Variants in NUP210 observed in about 807,000 individuals in gnomAD.
NUP210 encodes nuclear pore membrane glycoprotein 210.
In NUP210, 151 loss-of-function variants were observed where a neutral mutation model predicts 196.0. The observed-to-expected ratio is 0.77, with a 90% CI of 0.67 to 0.88. NUP210 has a LOEUF of 0.88. Among genes scored for constraint, NUP210 ranks in the 40% least tolerant of loss-of-function variants. The pLI is 0.00. For missense variants in NUP210, 2,314 were observed against 2,493.7 expected (o/e 0.93, Z 1.53); for synonymous variants, 1,070 against 1,052.7 (o/e 1.02, Z -0.32).
At chr3:13,406,608 C>T (rs1238702638) in intron 1 of NUP210, among the ~76,000 whole-genome samples, 12 of 152,228 alleles carry the variant, frequency 7.9e-5, no homozygotes. Flanking sequence ...CCAGGTCAGC[C>T]AGCTCATAGC....
At chr3:13,389,381 C>T (rs1322517196) in intron 4 of NUP210, among the ~76,000 whole-genome samples, 2 of 152,218 alleles carry the variant, frequency 1.3e-5, no homozygotes, top group Non-Finnish European at 2.9e-5. Flanking sequence ...CTGAGTGGAT[C>T]AACCCACTGA....
At chr3:13,416,188 C>G (rs1700343808) in intron 1 of NUP210, among the ~76,000 whole-genome samples, 1 of 152,164 alleles carries the variant, frequency 6.6e-6, no homozygotes, top group African/African-American at 2.4e-5. Flanking sequence ...GGTGCAGGAC[C>G]AGGCCTGGCA....
At chr3:13,362,324 C>T (rs1191967955) in intron 14 of NUP210, among the ~76,000 whole-genome samples, 2 of 152,240 alleles carry the variant, frequency 1.3e-5, no homozygotes, top group African/African-American at 2.4e-5. Context: ...GATCTAATCA[C>T]CCCTCAAAGG....
At chr3:13,407,216 T>C (rs1700032321) in intron 1 of NUP210, among the ~76,000 whole-genome samples, 1 of 152,150 alleles carries the variant, frequency 6.6e-6, no homozygotes, top group African/African-American at 2.4e-5. Flanking sequence ...GGTCCTGCAA[T>C]GTTTGGGATG....
Position 13,348,237 on chromosome 3 carries a change from G to T in NUP210, c.2835+3642C>A. 2 of 274,972 alleles carry T rather than the reference G, an allele frequency of 7.3e-6. No homozygotes were observed. The highest frequency in any genetic ancestry group is 1.4e-4 in the South Asian group (1 of 7,238). The allele number at this position is 274,972 out of a possible 1,614,324, so 17.0% of individuals were successfully genotyped here. On this transcript the variant is annotated intron_variant, in intron 20 of 39. Coordinates refer to ENST00000254508, the MANE Select transcript of NUP210 (RefSeq NM_024923.4). The surrounding 1 kb of genome is among the most constrained non-coding windows in gnomAD (Gnocchi z 4.0). ...GACTCCCATGCTGGAATCCCACCTT[G>T]AGTCTTTCAGACAAGTGTCCCAGCT...
chr3:13,345,857 G>A (rs1251625722), intron 20 of NUP210, among the ~76,000 whole-genome samples: 3 of 152,180 alleles, frequency 2.0e-5, no homozygotes, highest in Admixed American at 1.3e-4. Context: ...AAATTACAGA[G>A]AGTAATGACA....
intron 12 of NUP210, among the ~76,000 whole-genome samples, 188 bp downstream of exon 12, chr3:13,373,530 G>C (rs958789335): frequency 5.3e-5 from 8 of 152,204 alleles, no homozygotes; most frequent in African/African-American, 1.9e-4. Flanking sequence ...TTGTTGGCTG[G>C]TGTGAGACAT....
chr3:13,329,189 G>A (rs758276076), intron 30 of NUP210, among the ~76,000 whole-genome samples: 4 of 152,220 alleles, frequency 2.6e-5, no homozygotes, highest in African/African-American at 4.8e-5. Flanking sequence ...CCACCCAGGA[G>A]TGTCCCAATC....
At position 13,319,211 on chromosome 3, in the gene NUP210, A is replaced by G. The variant is rs1160649177; in HGVS notation, c.5479+19T>C. The G allele has an allele frequency of 3.1e-6, 5 of 1,612,208 alleles. No individual in the cohort carries two copies. Among genetic ancestry groups the G allele is most frequent in the Non-Finnish European group, 4.2e-6 (5 of 1,179,182 alleles). ...TCGGGGCAGGGGAACAGACCCAGAGATACAGGCAGCCTCCTCACCTATGAT... is the reference window on the plus strand; with the variant it reads ...TCGGGGCAGGGGAACAGACCCAGAGGTACAGGCAGCCTCCTCACCTATGAT... On this transcript the variant is annotated intron_variant, in intron 38 of 39. Coordinates refer to ENST00000254508, the MANE Select transcript of NUP210 (RefSeq NM_024923.4).
Position 13,321,567 on chromosome 3 carries a change from C to A in NUP210, c.5166+18G>T. On this transcript the variant is annotated intron_variant, in intron 36 of 39. Coordinates refer to ENST00000254508, the MANE Select transcript of NUP210 (RefSeq NM_024923.4). ...CCCCTGACTCCGGCCTGGCCTGAGGCATGCAGATGCCACTCACCTCCAAGT... is the reference window on the plus strand; with the variant it reads ...CCCCTGACTCCGGCCTGGCCTGAGGAATGCAGATGCCACTCACCTCCAAGT... The A allele has an allele frequency of 1.2e-6, 2 of 1,609,998 alleles. No individual in the cohort carries two copies. The highest frequency in any genetic ancestry group is 1.7e-6 in the Non-Finnish European group (2 of 1,176,528).
At chr3:13,324,427 C>T (rs374239627) in intron 33 of NUP210, among the ~76,000 whole-genome samples, 23 of 152,196 alleles carry the variant, frequency 1.5e-4, no homozygotes, top group African/African-American at 4.8e-4. Flanking sequence ...TCCTGCCTCA[C>T]CTGGGAGAGC....
At chr3:13,349,240 T>G (rs6795149) in intron 20 of NUP210, among the ~76,000 whole-genome samples, 94,789 of 152,112 alleles carry the variant, frequency 0.62, 31,145 homozygotes, top group African/African-American at 0.85. Flanking sequence ...CTCCGCTCCA[T>G]ACTGGTTCCT....
Position 13,390,823 on chromosome 3 carries a change from T to C in NUP210, c.533+388A>G, listed in dbSNP as rs1699464975. On this transcript the variant is annotated intron_variant, in intron 4 of 39. Coordinates refer to ENST00000254508, the MANE Select transcript of NUP210 (RefSeq NM_024923.4). ...TATGGGCGACTCAGCCTGTTCCACC[T>C]GAGACCCACCGGCACAGCTGGCCTG... Among the ~76,000 whole-genome samples, 3 of 152,324 alleles carry C rather than the reference T, an allele frequency of 2.0e-5. No individual in the cohort carries two copies. The South Asian group carries it at 6.2e-4, about 32-fold the overall frequency.
intron 13 of NUP210, among the ~76,000 whole-genome samples, chr3:13,367,612 C>G (rs540439817): frequency 1.3e-5 from 2 of 152,162 alleles, no homozygotes; most frequent in Non-Finnish European, 2.9e-5. Flanking sequence ...AAACCGCCCC[C>G]CTGGCGCCTA....
Position 13,323,447 on chromosome 3 carries a change from A to G in NUP210, c.4645-15T>C. The G allele has an allele frequency of 6.2e-7, 1 of 1,613,542 alleles. No homozygotes were observed. Among genetic ancestry groups the G allele is most frequent in the South Asian group, 1.1e-5 (1 of 91,048 alleles). On this transcript the variant is annotated splice_polypyrimidine_tract_variant and intron_variant, in intron 33 of 39. Transcript: ENST00000254508. The surrounding 1 kb of genome is among the most constrained non-coding windows in gnomAD (Gnocchi z 4.3). ...CTGACCACCACCTAGAGAGGGAGCC[A>G]AGGAAGCTTCATGGAGCGCCGCCTG...
chr3:13,374,521 T>A (rs561486318), intron 11 of NUP210, among the ~76,000 whole-genome samples: 115 of 152,242 alleles, frequency 7.6e-4, no homozygotes, highest in Non-Finnish European at 1.5e-3. Flanking sequence ...CTCACCCTCT[T>A]TGTCCTGTCT....
chr3:13,419,795 C>T (rs1055617889), intron 1 of NUP210, among the ~76,000 whole-genome samples: 1 of 152,094 alleles, frequency 6.6e-6, no homozygotes, highest in African/African-American at 2.4e-5. Flanking sequence ...CCTCCTCCCG[C>T]ACAACCCAGA....
At chr3:13,403,229 T>C (rs2124951804) in intron 1 of NUP210, among the ~76,000 whole-genome samples, 1 of 152,290 alleles carries the variant, frequency 6.6e-6, no homozygotes. Flanking sequence ...AAACAGGGTT[T>C]TTCCAACAAC....
At chr3:13,419,921 C>T (rs1576437916) in intron 1 of NUP210, 139 bp downstream of exon 1, 1 of 392,078 alleles carries the variant, frequency 2.6e-6, no homozygotes, top group Non-Finnish European at 3.6e-6. Context: ...CCCGCCGCTC[C>T]GAGTGCTGCA....
Sources: allele counts gnomAD v4.1 joint callset (sites outside exome capture counted in the v4.1 genomes callset), GRCh38; gene constraint gnomAD v4.1.1; non-coding constraint Gnocchi (gnomAD v3.1); transcripts MANE v1.5; gene names NCBI Gene and HGNC (gene_info 2026-07-23, HGNC 2026-07-21).